JAK3: variants seen among roughly 807,000 people sequenced by gnomAD.
JAK3 encodes the protein Janus kinase 3, also known as tyrosine-protein kinase JAK3.
JAK3 carries 88 observed loss-of-function variants against 120.8 expected under a neutral mutation model. The observed-to-expected ratio is 0.73, with a 90% CI of 0.61 to 0.87. JAK3 has a LOEUF of 0.87. Ranked by LOEUF, JAK3 falls within the 40% of genes least tolerant of loss-of-function variation. The probability of loss-of-function intolerance (pLI) is 0.00; values close to 1 mark genes in which losing one functional copy is unlikely to be tolerated. For missense variants in JAK3, 1,254 were observed against 1,501.4 expected (o/e 0.84, Z 2.72); for synonymous variants, 592 against 628.6 (o/e 0.94, Z 0.87).
intron 9 of JAK3, among the ~76,000 whole-genome samples, 188 bp downstream of exon 9, chr19:17,840,042 G>A (rs1024665068): frequency 1.8e-4 from 27 of 152,150 alleles, no homozygotes; most frequent in Admixed American, 1.4e-3. Flanking sequence ...CCCAGCCTCA[G>A]TCCTTTCTCC....
chr19:17,831,697 G>A lies in JAK3; in HGVS notation c.2782C>T (p.Leu928Phe). ...ACCTTGCAGATCTGCGAGGAATAGA[G>A]AAGGAGGCGGCTGGCATCGAGGCGC... is the stretch of plus-strand genomic sequence containing the variant. ...RARLDASRLL[L>F]YSSQICKGME... Residue 928 changes from leucine (L) to phenylalanine (F), a missense_variant, in exon 20 of 24, where the codon CTC (leucine) becomes TTC (phenylalanine). Leu to Phe is a conservative substitution (Grantham distance 22, BLOSUM62 0). Transcript: ENST00000458235. This position sits in a 1 kb window ranked among gnomAD's most constrained non-coding sequence, Gnocchi z 5.1. 3.1e-6 allele frequency: 5 copies of A among 1,610,026 alleles called. No individual in the cohort carries two copies. Among genetic ancestry groups the A allele is most frequent in the Non-Finnish European group, 4.2e-6 (5 of 1,178,824 alleles).
At position 17,844,195 on chromosome 19, in the gene JAK3, A is replaced by C. The variant is rs773099951; in HGVS notation, c.184+39T>G. On this transcript the variant is annotated intron_variant, in intron 2 of 23. Transcript: ENST00000458235. ...TCCAATCTTGGCCCCACACAGCCCC[A>C]TCCTTCCCTCTGGCCCGATCCACTA... 18 of 1,544,628 alleles carry C rather than the reference A, an allele frequency of 1.2e-5. No homozygotes were observed. In the Middle Eastern group the frequency reaches 9.1e-4, roughly 78 times the overall value.
chr19:17,826,782 A>G lies in JAK3; in HGVS notation c.3336T>C (p.Ala1112=), dbSNP rs766480283. 1.2e-6 allele frequency: 2 copies of G among 1,614,074 alleles called. No individual in the cohort carries two copies. The highest frequency in any genetic ancestry group is 2.2e-5 in the South Asian group (2 of 91,082). Residue 1112 remains alanine (A), a synonymous_variant, in exon 24 of 24, where the codon GCT becomes GCC. Transcript: ENST00000458235. ...SRGCETHAFT[A]HPEGKHHSLS... is the part of the protein sequence containing the mutation. Reference sequence around the variant, plus strand: ...GGGAGTGGTGTTTGCCCTCTGGGTGAGCAGTGAAGGCATGAGTCTCACACC... The same window carrying G: ...GGGAGTGGTGTTTGCCCTCTGGGTGGGCAGTGAAGGCATGAGTCTCACACC...
At position 17,838,347 on chromosome 19, in the gene JAK3, G is replaced by A. The variant is rs371588040; in HGVS notation, c.1485C>T (p.Pro495=). The A allele has an allele frequency of 1.7e-5, 28 of 1,613,976 alleles. No homozygotes were observed. The highest frequency in any genetic ancestry group is 2.3e-5 in the Non-Finnish European group (27 of 1,180,022). Residue 495 remains proline, a synonymous_variant, in exon 11 of 24, where the codon CCC becomes CCT. Transcript: ENST00000458235. ...ATTGGGGCTGAACCAAGGATGATGT[G>A]GGTGGGCTGTGACCTCTCTGGACCA... The part of the protein sequence containing the change: ...LIVVQRGHSP[P]TSSLVQPQSQ...
At chr19:17,833,703 T>A (rs924078560) in intron 17 of JAK3, among the ~76,000 whole-genome samples, 1 of 151,568 alleles carries the variant, frequency 6.6e-6, no homozygotes, top group African/African-American at 2.4e-5. Context: ...AATACAAAAA[T>A]TTAGCCGTGT....
At position 17,839,736 on chromosome 19, in the gene JAK3, T is replaced by G. The variant is rs1293986806; in HGVS notation, c.1255-73A>C. ...CCTTCTCAGTCCTTCTTCCTTTTTT[T>G]TCTTTTTTTTTTTTTTTTTTTGGAG... On this transcript the variant is annotated intron_variant, in intron 9 of 23. Transcript: ENST00000458235. 4 of 1,271,082 alleles carry G rather than the reference T, an allele frequency of 3.1e-6. No homozygotes were observed. In the East Asian group the frequency reaches 1.0e-4, roughly 32 times the overall value. 78.7% of individuals were successfully genotyped at this position (1,271,082 alleles called of 1,614,324 possible).
intron 23 of JAK3, among the ~76,000 whole-genome samples, chr19:17,828,326 G>A (rs1189689651): frequency 6.6e-6 from 1 of 152,142 alleles, no homozygotes. Context: ...TACAATAATG[G>A]CTCACTGCAG....
At chr19:17,828,226 TTTGTTTTGTTTTG>T (rs761631441) in intron 23 of JAK3, among the ~76,000 whole-genome samples, 3,328 of 17,566 alleles carry the variant, frequency 0.19, 146 homozygotes, top group African/African-American at 0.44. Flanking sequence ...TAATTTTGTC[TTTGTTTTGTTTTG>T]TTTTGTTTTG....
Position 17,842,543 on chromosome 19 carries a change from G to A in JAK3, c.634C>T (p.Arg212Cys), listed in dbSNP as rs1448682636. Residue 212 changes from arginine to cysteine, a missense_variant, in exon 6 of 24, where the codon CGT becomes TGT. By Grantham distance (180) the Arg-to-Cys change is radical. Around this residue, in one of 3 missense-constraint regions of JAK3, gnomAD observed 486 missense variants for 503.0 expected, o/e 0.97. Coordinates refer to ENST00000458235, the MANE Select transcript of JAK3 (RefSeq NM_000215.4). The surrounding 1 kb of genome is among the most constrained non-coding windows in gnomAD (Gnocchi z 6.4). ...IQGLSFVTRR[R>C]IRRTVRRALR... ...GCTCTGCGCACCGTCCTCCGAATAC[G>A]CCTCCGCGTCACGAAGCTCAGGCCC... 6.3e-7 allele frequency: 1 copy of A among 1,588,646 alleles called. No individual in the cohort carries two copies. Among genetic ancestry groups the A allele is most frequent in the Non-Finnish European group, 8.6e-7 (1 of 1,168,284 alleles).
At chr19:17,845,463 G>A (rs547863315) in intron 1 of JAK3, among the ~76,000 whole-genome samples, 1 of 152,234 alleles carries the variant, frequency 6.6e-6, no homozygotes, top group East Asian at 1.9e-4. Flanking sequence ...CCGAGACCAG[G>A]AGTTTGAAAC....
At position 17,843,055 on chromosome 19, in the gene JAK3, G is replaced by A. The variant is rs770633633; in HGVS notation, c.538C>T (p.Arg180Trp). 1.2e-6 allele frequency: 2 copies of A among 1,610,588 alleles called. No individual in the cohort carries two copies. The highest frequency in any genetic ancestry group is 1.1e-5 in the South Asian group (1 of 91,072). The change falls in exon 5 of 24, where the codon CGG becomes TGG. Residue 180 changes from arginine (R) to tryptophan (W), a missense_variant. Arg to Trp is a moderately radical substitution (Grantham distance 101). Coordinates refer to ENST00000458235, the MANE Select transcript of JAK3 (RefSeq NM_000215.4). The surrounding 1 kb of genome is among the most constrained non-coding windows in gnomAD (Gnocchi z 5.4). ...LARMAREQAQ[R>W]PGELLKTVSY... Reference sequence around the variant, plus strand: ...ACAGTCTTCAGCAGCTCTCCCGGCCGCTGGGCCTGCTCTCGCGCCATCCGG... The same window carrying A: ...ACAGTCTTCAGCAGCTCTCCCGGCCACTGGGCCTGCTCTCGCGCCATCCGG...
Position 17,826,904 on chromosome 19 carries a change from C to A in JAK3, c.3214G>T (p.Glu1072Ter). The A allele has an allele frequency of 6.2e-7, 1 of 1,609,648 alleles. No individual in the cohort carries two copies. Among genetic ancestry groups the A allele is most frequent in the Non-Finnish European group, 8.5e-7 (1 of 1,179,398 alleles). The change falls in exon 24 of 24, where the codon GAG (glutamate) becomes TAG (stop). Residue 1072 changes from glutamate (E) to a stop codon, truncating the protein, a stop_gained. Coordinates refer to ENST00000458235, the MANE Select transcript of JAK3 (RefSeq NM_000215.4). LOFTEE classifies it low-confidence loss of function (END_TRUNC). ...GGGGCCCAGCACAGCTTCATGAGCT[C>A]GTGAACCTGAGGGGCGGGGGACAGA... ...APPACPAEVH[E>*]LMKLCWAPSP...
rs1052526 is a variant in JAK3 at position 17,832,663 on chromosome 19, C to T, written c.2536G>A (p.Asp846Asn). Residue 846 changes from aspartate to asparagine, a missense_variant, in exon 19 of 24, where the codon GAC (aspartate) becomes AAC (asparagine). By Grantham distance (23) the Asp-to-Asn change is conservative. Transcript: ENST00000458235. The surrounding 1 kb of genome is among the most constrained non-coding windows in gnomAD (Gnocchi z 4.7). Reference sequence around the variant, plus strand: ...ACGGCCACCAGGGCACCTGTATTGTCGCCTAGCGGGTCATAGCGGCACAGC... The same window carrying T: ...ACGGCCACCAGGGCACCTGTATTGTTGCCTAGCGGGTCATAGCGGCACAGC... ...VELCRYDPLG[D>N]NTGALVAVKQ... 1.9e-6 allele frequency: 3 copies of T among 1,614,222 alleles called. No individual in the cohort carries two copies. The highest frequency in any genetic ancestry group is 1.1e-5 in the South Asian group (1 of 91,086).
chr19:17,837,550 G>A (rs1035695955), intron 12 of JAK3, among the ~76,000 whole-genome samples: 1 of 152,104 alleles, frequency 6.6e-6, no homozygotes, highest in Non-Finnish European at 1.5e-5. Context: ...CGAGTAGCTG[G>A]GATTACAGGC....
rs1012137345 is a variant in JAK3, at chr19:17,843,015, G to A, written c.566+12C>T. On this transcript the variant is annotated intron_variant, in intron 5 of 23. Transcript: ENST00000458235. This position sits in a 1 kb window ranked among gnomAD's most constrained non-coding sequence, Gnocchi z 5.4. ...CAAGCAGAGGCCGTCCCCACAGCCT[G>A]GTGGCTCTCACCTGACAGTCTTCAG... 3.1e-6 allele frequency: 5 copies of A among 1,609,400 alleles called. No individual in the cohort carries two copies. The highest frequency in any genetic ancestry group is 3.4e-6 in the Non-Finnish European group (4 of 1,179,696).
At chr19:17,829,005 A>T (rs201218055) in intron 23 of JAK3, among the ~76,000 whole-genome samples, 346 of 151,908 alleles carry the variant, frequency 2.3e-3, no homozygotes, top group East Asian at 0.011. Context: ...AAAATTTTTT[A>T]AAATTAGCCA....
chr19:17,837,838 G>A lies in JAK3; in HGVS notation c.1701+94C>T, dbSNP rs545031955. Reference sequence around the variant, plus strand: ...TGGGATGACAGGCATGAGCCACCACGCCCAGGTCCCTGTGTGTTTTTAAAT... The same window carrying A: ...TGGGATGACAGGCATGAGCCACCACACCCAGGTCCCTGTGTGTTTTTAAAT... On this transcript the variant is annotated intron_variant, in intron 12 of 23. Transcript: ENST00000458235. 27 of 1,566,208 alleles carry A rather than the reference G, an allele frequency of 1.7e-5. 1 individual carries two copies. The Middle Eastern group carries it at 8.3e-4, about 48-fold the overall frequency.
chr19:17,839,766 A>T (rs1599875758), intron 9 of JAK3, 103 bp from the exon 10 acceptor site: 6 of 989,370 alleles, frequency 6.1e-6, no homozygotes, highest in South Asian at 6.0e-5. Context: ...TTGGAGACGG[A>T]GTCTGGCTCT....
At chr19:17,839,231 G>A (rs553546646) in intron 10 of JAK3, 66 of 642,460 alleles carry the variant, frequency 1.0e-4, no homozygotes, top group African/African-American at 9.6e-4. Flanking sequence ...AATTCACCCA[G>A]AGGAAGAGCT....
Sources: allele counts gnomAD v4.1 joint callset (sites outside exome capture counted in the v4.1 genomes callset), GRCh38; gene constraint gnomAD v4.1.1; regional missense constraint gnomAD v4.1.1; non-coding constraint Gnocchi (gnomAD v3.1); transcripts MANE v1.5; gene names NCBI Gene and HGNC (gene_info 2026-07-23, HGNC 2026-07-21).